Variants in PTDSS1 observed in about 807,000 individuals in gnomAD.
PTDSS1 encodes the protein PSS-1.
A neutral mutation model predicts 70.5 loss-of-function variants in PTDSS1; 45 were observed. That is an observed-to-expected ratio of 0.64 (90% CI 0.50 to 0.82). The LOEUF is 0.82. Among genes scored for constraint, PTDSS1 ranks in the 40% least tolerant of loss-of-function variants. The pLI is 0.00. For missense variants in PTDSS1, 417 were observed against 586.1 expected (o/e 0.71, Z 2.98); for synonymous variants, 188 against 203.8 (o/e 0.92, Z 0.66).
At chr8:96,309,032 A>G (rs1479358667) in intron 8 of PTDSS1, among the ~76,000 whole-genome samples, 1 of 152,040 alleles carries the variant, frequency 6.6e-6, no homozygotes, top group Non-Finnish European at 1.5e-5. Flanking sequence ...TGTCCTGGAG[A>G]GAACCAGAGG....
intron 7 of PTDSS1, 37 bp from the exon 8 acceptor site, chr8:96,306,407 G>A: frequency 7.1e-7 from 1 of 1,412,656 alleles, no homozygotes; most frequent in Non-Finnish European, 1.0e-6. Context: ...GAATTAGCAT[G>A]AGGTACCAGG....
At chr8:96,266,790 T>C (rs542413049) in intron 1 of PTDSS1, among the ~76,000 whole-genome samples, 59 of 152,382 alleles carry the variant, frequency 3.9e-4, no homozygotes, top group African/African-American at 1.4e-3. Flanking sequence ...TTCTTTTCCC[T>C]GGTTACCATT....
At chr8:96,314,354 T>A (rs572004637) in intron 9 of PTDSS1, among the ~76,000 whole-genome samples, 1 of 151,970 alleles carries the variant, frequency 6.6e-6, no homozygotes, top group African/African-American at 2.4e-5. Flanking sequence ...GCCTAGACTG[T>A]CTGTCTTAAG....
At chr8:96,303,892 ACC>A in intron 6 of PTDSS1, 146 bp from the exon 7 acceptor site, 2 of 857,892 alleles carry the variant, frequency 2.3e-6, no homozygotes, top group Non-Finnish European at 3.5e-6. Flanking sequence ...GTATAGAGAG[ACC>A]TTTGAGACAC....
At chr8:96,313,495 T>C (rs1586204177) in intron 9 of PTDSS1, among the ~76,000 whole-genome samples, 1 of 152,240 alleles carries the variant, frequency 6.6e-6, no homozygotes, top group Non-Finnish European at 1.5e-5. Context: ...AGAATTGAGC[T>C]TCTCTGCCTC....
In PTDSS1 at chr8:96,261,921, G is replaced by C; in HGVS notation, c.-120G>C. Reference sequence around the variant, plus strand: ...GTCCTTCCCTCTGCTCCCAGCCTTTGCTGGGCGCCAGACCCGGCTTTGCCG... The same window carrying C: ...GTCCTTCCCTCTGCTCCCAGCCTTTCCTGGGCGCCAGACCCGGCTTTGCCG... On this transcript the variant is annotated 5_prime_UTR_variant, in exon 1 of 13. Coordinates refer to ENST00000517309, the MANE Select transcript of PTDSS1 (RefSeq NM_014754.3). The C allele has an allele frequency of 9.1e-7, 1 of 1,094,218 alleles. No individual in the cohort carries two copies. The highest frequency in any genetic ancestry group is 1.3e-6 in the Non-Finnish European group (1 of 781,120). 67.8% of individuals were successfully genotyped at this position (1,094,218 alleles called of 1,614,324 possible). A position where few individuals can be genotyped will look rare whatever the true frequency, so the allele number is the denominator to read the frequency against.
chr8:96,326,713 G>A (rs1322443110), intron 10 of PTDSS1, among the ~76,000 whole-genome samples: 4 of 152,174 alleles, frequency 2.6e-5, no homozygotes, highest in East Asian at 1.9e-4. Flanking sequence ...ATTTTCAAGC[G>A]GGGAAACAAT....
chr8:96,333,154 G>C (rs1811541882), intron 12 of PTDSS1, among the ~76,000 whole-genome samples: 1 of 152,150 alleles, frequency 6.6e-6, no homozygotes, highest in Non-Finnish European at 1.5e-5. Flanking sequence ...TTTCACTTGT[G>C]CTCTCACTTC....
At chr8:96,285,641 GC>G (rs1810812137) in intron 3 of PTDSS1, among the ~76,000 whole-genome samples, 1 of 152,144 alleles carries the variant, frequency 6.6e-6, no homozygotes, top group African/African-American at 2.4e-5. Flanking sequence ...CTTCTTGAGA[GC>G]CTTTGGGAGC....
intron 6 of PTDSS1, among the ~76,000 whole-genome samples, chr8:96,300,387 T>A (rs1000288070): frequency 4.6e-5 from 7 of 152,174 alleles, no homozygotes; most frequent in African/African-American, 1.7e-4. Flanking sequence ...TCTCTTCACC[T>A]GAGATTTGGC....
At chr8:96,271,082 G>A (rs577936939) in intron 1 of PTDSS1, among the ~76,000 whole-genome samples, 67 of 152,178 alleles carry the variant, frequency 4.4e-4, no homozygotes, top group East Asian at 2.7e-3. Flanking sequence ...ATGTATTCAC[G>A]TCGCTTGAAG....
At chr8:96,310,581 C>T (rs1465828946) in intron 9 of PTDSS1, among the ~76,000 whole-genome samples, 2 of 151,664 alleles carry the variant, frequency 1.3e-5, no homozygotes. Flanking sequence ...TGCATTCCTT[C>T]TGGATGTATC....
At chr8:96,320,371 G>C (rs368831664) in intron 10 of PTDSS1, 26 bp downstream of exon 10, 1 of 1,546,504 alleles carries the variant, frequency 6.5e-7, no homozygotes, top group Non-Finnish European at 8.9e-7. Flanking sequence ...TTACCCAAAG[G>C]CATTAGCTAA....
chr8:96,330,335 G>C (rs569207691), intron 11 of PTDSS1, 54 bp downstream of exon 11: 2 of 1,532,348 alleles, frequency 1.3e-6, no homozygotes, highest in African/African-American at 2.7e-5. Flanking sequence ...CCCCGGGCTC[G>C]GCAAATTCGC....
intron 9 of PTDSS1, among the ~76,000 whole-genome samples, chr8:96,313,100 G>A (rs1478171936): frequency 6.6e-6 from 1 of 152,192 alleles, no homozygotes; most frequent in East Asian, 1.9e-4. Flanking sequence ...TCACCCGCCT[G>A]GGGTTCTTTC....
Position 96,335,556 on chromosome 8 carries a change from G to A in PTDSS1, c.*1990G>A, listed in dbSNP as rs570391302. On this transcript the variant is annotated 3_prime_UTR_variant, in exon 13 of 13. Transcript: ENST00000517309. ...CAGCTGTTTCGCAGGTGGTGAATTC[G>A]ACTTTACTGTGGCATTGTGAAGAGC... The A allele has an allele frequency of 6.6e-6, 1 of 152,358 alleles. No homozygotes were observed. The highest frequency in any genetic ancestry group is 1.5e-5 in the Non-Finnish European group (1 of 68,034). 9.4% of individuals were successfully genotyped at this position (152,358 alleles called of 1,614,324 possible). A position where few individuals can be genotyped will look rare whatever the true frequency, so the allele number is the denominator to read the frequency against.
chr8:96,319,240 G>A (rs1055340133), intron 9 of PTDSS1, among the ~76,000 whole-genome samples: 1 of 152,030 alleles, frequency 6.6e-6, no homozygotes, highest in African/African-American at 2.4e-5. Context: ...GAAAACATCT[G>A]TGTGAGTACA....
At chr8:96,281,937 A>T (rs965043813) in intron 2 of PTDSS1, among the ~76,000 whole-genome samples, 13 of 152,192 alleles carry the variant, frequency 8.5e-5, no homozygotes, top group African/African-American at 2.9e-4. Flanking sequence ...GGGGTGTCTC[A>T]TTCCACAGCC....
In PTDSS1 at chr8:96,304,238, T is replaced by G. The variant is rs1392687493; in HGVS notation, c.894+57T>G. 3.3e-6 allele frequency: 5 copies of G among 1,533,036 alleles called. No individual in the cohort carries two copies. In the East Asian group the frequency reaches 6.8e-5, roughly 21 times the overall value. 95.0% of individuals were successfully genotyped at this position (1,533,036 alleles called of 1,614,324 possible). On this transcript the variant is annotated intron_variant, in intron 7 of 12. Coordinates refer to ENST00000517309, the MANE Select transcript of PTDSS1 (RefSeq NM_014754.3). ...AAAACAAAAACTAAAATAAAAACTTTTTAGGAATTTAGAGTTAACATTAGT... is the reference window on the plus strand; with the variant it reads ...AAAACAAAAACTAAAATAAAAACTTGTTAGGAATTTAGAGTTAACATTAGT...
Sources: allele counts gnomAD v4.1 joint callset (sites outside exome capture counted in the v4.1 genomes callset), GRCh38; gene constraint gnomAD v4.1.1; transcripts MANE v1.5; gene names NCBI Gene and HGNC (gene_info 2026-07-23, HGNC 2026-07-21).